The following COG7 variants were observed in gnomAD, a reference collection of about 807,000 sequenced individuals.
COG7 encodes the protein conserved oligomeric Golgi complex subunit 7.
COG7 carries 49 observed loss-of-function variants against 91.5 expected under a neutral mutation model. The ratio of observed to expected loss-of-function variants is 0.54; its 90% CI spans 0.43 to 0.68. The LOEUF is 0.68. COG7 is among the 30% of genes least tolerant of loss of function. The pLI is 0.00. For synonymous variants in COG7, 365 were observed against 388.7 expected, an observed-to-expected ratio of 0.94 and a Z score of 0.72; for missense variants, 895 against 961.3, an observed-to-expected ratio of 0.93 and a Z score of 0.91.
intron 13 of COG7, among the ~76,000 whole-genome samples, chr16:23,400,746 G>A (rs1425016446): frequency 6.6e-6 from 1 of 152,170 alleles, no homozygotes; most frequent in African/African-American, 2.4e-5. Context: ...GAGGCGGGCG[G>A]ATCACTTGAG....
intron 7 of COG7, 69 bp from the exon 8 acceptor site, chr16:23,418,896 A>C: frequency 7.0e-7 from 1 of 1,422,496 alleles, no homozygotes; most frequent in Non-Finnish European, 9.9e-7. Context: ...GAAAGCAACA[A>C]TCAAGAGGCG....
At chr16:23,446,445 CTTTTTT>C (rs34254755) in intron 1 of COG7, 17 of 112,818 alleles carry the variant, frequency 1.5e-4, no homozygotes, top group South Asian at 5.8e-4. Context: ...TTTCCATGGT[CTTTTTT>C]TTTTTTTTTT....
chr16:23,394,178 T>C (rs1193595586), intron 14 of COG7, among the ~76,000 whole-genome samples: 1 of 152,156 alleles, frequency 6.6e-6, no homozygotes, highest in Non-Finnish European at 1.5e-5. Flanking sequence ...ATAAATTACT[T>C]TGGAGAAAAA....
At chr16:23,415,727 G>A (rs572032183) in intron 9 of COG7, 1 of 152,182 alleles carries the variant, frequency 6.6e-6, no homozygotes, top group Admixed American at 6.6e-5. Context: ...CCACCGGTTG[G>A]CCACTATACT....
intron 7 of COG7, among the ~76,000 whole-genome samples, chr16:23,420,697 C>T (rs2142078292): frequency 6.6e-6 from 1 of 152,080 alleles, no homozygotes; most frequent in East Asian, 1.9e-4. Flanking sequence ...TGGTAATAAT[C>T]AAATCTGCAC....
chr16:23,442,872 C>A (rs959033339), intron 3 of COG7, among the ~76,000 whole-genome samples: 1 of 151,632 alleles, frequency 6.6e-6, no homozygotes, highest in Non-Finnish European at 1.5e-5. Flanking sequence ...CCAGTCTCTA[C>A]AAACAGTAAA....
At position 23,428,616 on chromosome 16, in the gene COG7, G is replaced by C. The variant is rs535756043; in HGVS notation, c.811-3669C>G. 2.0e-5 allele frequency among the ~76,000 whole-genome samples: 3 copies of C among 151,316 alleles called. No homozygotes were observed. The South Asian group carries it at 6.3e-4, about 32-fold the overall frequency. ...AACACCTAATTTTGGCAAGGATGTGGAACAACCAGAACTCTCACACACTAT... is the reference window on the plus strand; with the variant it reads ...AACACCTAATTTTGGCAAGGATGTGCAACAACCAGAACTCTCACACACTAT... On this transcript the variant is annotated intron_variant, in intron 6 of 16. Transcript: ENST00000307149.
rs762124832 is a variant in COG7, at chr16:23,389,025, G to C, written c.2208C>G (p.Ile736Met). 1.9e-6 allele frequency: 3 copies of C among 1,614,074 alleles called. No individual in the cohort carries two copies. The highest frequency in any genetic ancestry group is 1.7e-5 in the Admixed American group (1 of 60,012). ...CAGGCCTGGTCTTCAGTAGCGTCACGATGTGCTGGAGGGTGCGGGACGGCT... is the reference window on the plus strand; with the variant it reads ...CAGGCCTGGTCTTCAGTAGCGTCACCATGTGCTGGAGGGTGCGGGACGGCT... ...GLQPSRTLQHIVTLLKTRPED... is the reference protein window; with the variant it reads ...GLQPSRTLQHMVTLLKTRPED... Residue 736 changes from isoleucine (I) to methionine (M), a missense_variant, in exon 17 of 17, where the codon ATC becomes ATG. Coordinates refer to ENST00000307149, the MANE Select transcript of COG7 (RefSeq NM_153603.4).
At chr16:23,397,299 A>G (rs1265727815) in intron 14 of COG7, among the ~76,000 whole-genome samples, 3 of 152,254 alleles carry the variant, frequency 2.0e-5, no homozygotes, top group Admixed American at 6.5e-5. Flanking sequence ...GCAAGAGCGT[A>G]AGGCAGAAAT....
At chr16:23,417,916 A>C (rs1963682762) in intron 8 of COG7, among the ~76,000 whole-genome samples, 2 of 152,230 alleles carry the variant, frequency 1.3e-5, no homozygotes, top group South Asian at 4.1e-4. Context: ...GATTTGAACT[A>C]CTATAAGATC....
At chr16:23,417,658 T>G (rs1963679149) in intron 8 of COG7, among the ~76,000 whole-genome samples, 1 of 152,100 alleles carries the variant, frequency 6.6e-6, no homozygotes, top group South Asian at 2.1e-4. Context: ...ACTGGGAAGC[T>G]GAGGTGGGAG....
intron 6 of COG7, among the ~76,000 whole-genome samples, chr16:23,428,709 T>C (rs894291470): frequency 1.3e-5 from 2 of 150,554 alleles, no homozygotes; most frequent in African/African-American, 2.4e-5. Context: ...TTTTTTTTTT[T>C]GAGATGGAGT....
Position 23,433,668 on chromosome 16 carries a change from C to T in COG7, c.688-1G>A. 6.2e-7 allele frequency: 1 copy of T among 1,614,042 alleles called. No individual in the cohort carries two copies. The highest frequency in any genetic ancestry group is 1.1e-5 in the South Asian group (1 of 91,078). On this transcript the variant is annotated splice_acceptor_variant, in intron 5 of 16. Transcript: ENST00000307149. LOFTEE classifies it high-confidence loss of function. ...CTTGCCAGGCTGCTAAAAGCTGCACCTGCAGAGACAGAACAAAGGGAACCT... is the reference window on the plus strand; with the variant it reads ...CTTGCCAGGCTGCTAAAAGCTGCACTTGCAGAGACAGAACAAAGGGAACCT...
chr16:23,413,513 T>A lies in COG7; in HGVS notation c.1344A>T (p.Lys448Asn). The A allele has an allele frequency of 2.5e-6, 4 of 1,613,440 alleles. No individual in the cohort carries two copies. Among genetic ancestry groups the A allele is most frequent in the Non-Finnish European group, 3.4e-6 (4 of 1,179,382 alleles). ...GGGAGTTGGGAGGAATGTGGTCCAG[T>A]TTGCACTTCTTTCGTATGGACTGGA... ...STLQSIRKKC[K>N]LDHIPPNSLF... Residue 448 changes from lysine (K) to asparagine (N), a missense_variant, in exon 10 of 17, where the codon AAA becomes AAT. Coordinates refer to ENST00000307149, the MANE Select transcript of COG7 (RefSeq NM_153603.4).
intron 6 of COG7, among the ~76,000 whole-genome samples, chr16:23,429,251 A>T (rs184679509): frequency 6.2e-4 from 94 of 152,240 alleles, no homozygotes; most frequent in African/African-American, 2.2e-3. Flanking sequence ...TGGCCTCCCA[A>T]AGTGCTGAGA....
At chr16:23,428,692 CTT>C (rs898850977) in intron 6 of COG7, among the ~76,000 whole-genome samples, 19 of 134,634 alleles carry the variant, frequency 1.4e-4, no homozygotes, top group Admixed American at 2.2e-4. Flanking sequence ...TGTTTCTTTT[CTT>C]TTTTTTTTTT....
chr16:23,451,537 G>A (rs557117118), intron 1 of COG7, among the ~76,000 whole-genome samples: 5 of 152,006 alleles, frequency 3.3e-5, no homozygotes, highest in South Asian at 2.1e-4. Flanking sequence ...AACATAGTGC[G>A]ACCTTGTCTC....
chr16:23,429,355 T>C (rs1963898331), intron 6 of COG7, among the ~76,000 whole-genome samples: 2 of 145,676 alleles, frequency 1.4e-5, no homozygotes, highest in African/African-American at 2.5e-5. Context: ...TCCTAGGTAT[T>C]TACCCAAGAG....
Position 23,388,741 on chromosome 16 carries a change from C to A in COG7, c.*179G>T. The A allele has an allele frequency of 9.4e-7, 1 of 1,058,408 alleles. No individual in the cohort carries two copies. Among genetic ancestry groups the A allele is most frequent in the Non-Finnish European group, 1.3e-6 (1 of 770,432 alleles). 65.6% of individuals were successfully genotyped at this position (1,058,408 alleles called of 1,614,324 possible). A position where few individuals can be genotyped will look rare whatever the true frequency, so the allele number is the denominator to read the frequency against. The stretch of plus-strand genomic sequence containing the variant: ...GGTCTCGAACTCCTGGCTTCATGAT[C>A]CATCTGGCTTGGCCTCCCAAAGTGC... On this transcript the variant is annotated 3_prime_UTR_variant, in exon 17 of 17. Coordinates refer to ENST00000307149, the MANE Select transcript of COG7 (RefSeq NM_153603.4).
Sources: allele counts gnomAD v4.1 joint callset (sites outside exome capture counted in the v4.1 genomes callset), GRCh38; gene constraint gnomAD v4.1.1; transcripts MANE v1.5; gene names NCBI Gene and HGNC (gene_info 2026-07-23, HGNC 2026-07-21).